The following ANO3 variants were observed in gnomAD, a reference collection of about 807,000 sequenced individuals.
ANO3 encodes anoctamin-3.
ANO3 carries 99 observed loss-of-function variants against 144.8 expected under a neutral mutation model. The ratio of observed to expected loss-of-function variants is 0.68; its 90% CI spans 0.58 to 0.81. The LOEUF (loss-of-function observed/expected upper bound fraction) is 0.81. Ranked by LOEUF, ANO3 falls within the 30% of genes least tolerant of loss-of-function variation. The probability of loss-of-function intolerance (pLI) is 0.00; values close to 1 mark genes in which losing one functional copy is unlikely to be tolerated. For missense variants in ANO3, 905 were observed against 1,202.2 expected (o/e 0.75, Z 3.66); for synonymous variants, 414 against 392.6 (o/e 1.05, Z -0.64).
At chr11:26,603,044 G>A (rs542018166) in intron 17 of ANO3, among the ~76,000 whole-genome samples, 30 of 152,204 alleles carry the variant, frequency 2.0e-4, no homozygotes, top group East Asian at 7.7e-4. Context: ...CATAGGCACC[G>A]TATTACATTT....
chr11:26,385,710 A>G (rs982865796), intron 1 of ANO3, among the ~76,000 whole-genome samples: 3 of 152,076 alleles, frequency 2.0e-5, no homozygotes, highest in African/African-American at 7.2e-5. Flanking sequence ...TCAAGATCCT[A>G]TATCACAGGT....
At chr11:26,331,362 A>G (rs1279764257), upstream of ANO3, 1 of 152,234 alleles carries the variant, frequency 6.6e-6, no homozygotes, top group Non-Finnish European at 1.5e-5. Flanking sequence ...AAATAATAAA[A>G]TAAAACTTCT....
chr11:26,364,909 T>C (rs1455077526), intron 1 of ANO3, among the ~76,000 whole-genome samples: 1 of 152,120 alleles, frequency 6.6e-6, no homozygotes, highest in African/African-American at 2.4e-5. Flanking sequence ...GCCTTCCCAA[T>C]TGTCACCCAA....
intron 4 of ANO3, among the ~76,000 whole-genome samples, chr11:26,465,937 T>C (rs760691753): frequency 3.3e-5 from 5 of 151,994 alleles, no homozygotes; most frequent in Non-Finnish European, 7.4e-5. Context: ...TTCAGAACAA[T>C]GCATTGTATC....
At chr11:26,506,460 TAGTA>T (rs1208170620) in intron 4 of ANO3, among the ~76,000 whole-genome samples, 3 of 152,220 alleles carry the variant, frequency 2.0e-5, no homozygotes, top group Non-Finnish European at 4.4e-5. Flanking sequence ...GCATAGTACA[TAGTA>T]AGTATTTGAT....
chr11:26,357,945 C>T (rs1305603963), intron 1 of ANO3, among the ~76,000 whole-genome samples: 2 of 152,170 alleles, frequency 1.3e-5, no homozygotes, highest in African/African-American at 4.8e-5. Flanking sequence ...GTCCTTTTCT[C>T]CTGAATTGCC....
At chr11:26,312,632 A>T (rs1452271142) in intron 1 of ANO3, among the ~76,000 whole-genome samples, 1 of 152,226 alleles carries the variant, frequency 6.6e-6, no homozygotes, top group Non-Finnish European at 1.5e-5. Flanking sequence ...TGTTGGCTGC[A>T]TAAATGTCTT....
intron 3 of ANO3, among the ~76,000 whole-genome samples, chr11:26,455,256 T>A (rs12576890): frequency 6.8e-6 from 1 of 147,670 alleles, no homozygotes; most frequent in African/African-American, 2.5e-5. Flanking sequence ...ATAAATGGTA[T>A]TCAATTAGGA....
At chr11:26,561,002 G>T (rs1850265384) in intron 14 of ANO3, 3 of 1,476,192 alleles carry the variant, frequency 2.0e-6, no homozygotes, top group African/African-American at 1.5e-5. Flanking sequence ...TTTGAAAGAT[G>T]AATTTGTCAA....
intron 14 of ANO3, chr11:26,565,502 T>C (rs1405596190): frequency 1.2e-6 from 2 of 1,613,360 alleles, no homozygotes; most frequent in Non-Finnish European, 1.7e-6. Context: ...TCCAAGGCAC[T>C]TTAGAAACAA....
At chr11:26,310,314 G>A (rs1484123551) in intron 1 of ANO3, among the ~76,000 whole-genome samples, 7 of 152,100 alleles carry the variant, frequency 4.6e-5, no homozygotes, top group Admixed American at 4.6e-4. Context: ...AATTCTATTG[G>A]TTAACCAATT....
At chr11:26,390,310 T>G (rs1194632313) in intron 1 of ANO3, among the ~76,000 whole-genome samples, 1 of 152,116 alleles carries the variant, frequency 6.6e-6, no homozygotes, top group Non-Finnish European at 1.5e-5. Flanking sequence ...TTCCCCCTCC[T>G]CCTTTTAGAG....
intron 1 of ANO3, among the ~76,000 whole-genome samples, chr11:26,283,323 T>TAA (rs1300334393): frequency 1.7e-4 from 3 of 18,144 alleles, no homozygotes; most frequent in African/African-American, 1.2e-3. Flanking sequence ...AATAAATAAA[T>TAA]ATATATATAT....
upstream of ANO3, among the ~76,000 whole-genome samples, chr11:26,308,794 A>T (rs562586427): frequency 6.6e-6 from 1 of 152,332 alleles, no homozygotes; most frequent in Non-Finnish European, 1.5e-5. Flanking sequence ...TGGGCAGAAA[A>T]AGTTGTTGAT....
At chr11:26,226,243 G>A (rs67184583) in intron 1 of ANO3, among the ~76,000 whole-genome samples, 45,928 of 151,544 alleles carry the variant, frequency 0.3, 7,688 homozygotes, top group Non-Finnish European at 0.37. Flanking sequence ...GGCATATTTT[G>A]TTTTAGTTAA....
intron 1 of ANO3, among the ~76,000 whole-genome samples, chr11:26,412,671 C>G (rs1857463193): frequency 2.0e-5 from 3 of 151,832 alleles, no homozygotes; most frequent in Admixed American, 2.0e-4. Context: ...AGGCGGAGTA[C>G]AGTGGTAAAG....
At chr11:26,395,112 A>G (rs931140042) in intron 1 of ANO3, among the ~76,000 whole-genome samples, 5 of 152,116 alleles carry the variant, frequency 3.3e-5, no homozygotes, top group African/African-American at 1.2e-4. Context: ...ATTTCTAAAC[A>G]GAGGAGATTC....
intron 1 of ANO3, among the ~76,000 whole-genome samples, chr11:26,226,537 G>A (rs1268647346): frequency 2.0e-5 from 3 of 151,934 alleles, no homozygotes; most frequent in East Asian, 1.9e-4. Flanking sequence ...CCTGGAGCCC[G>A]ACTTACTTGT....
At chr11:26,416,692 T>C (rs1857598567) in intron 1 of ANO3, among the ~76,000 whole-genome samples, 1 of 152,012 alleles carries the variant, frequency 6.6e-6, no homozygotes, top group Non-Finnish European at 1.5e-5. Flanking sequence ...CCCAATAGTT[T>C]TAGTTTTTTC....
Sources: gnomAD v4.1 joint callset for allele counts (sites outside exome capture counted in the v4.1 genomes callset) on GRCh38, gnomAD v4.1.1 for gene constraint, MANE v1.5 for transcripts, NCBI Gene and HGNC (gene_info 2026-07-23, HGNC 2026-07-21) for gene names.